LRRFIP2: variants seen among roughly 807,000 people sequenced by gnomAD.
The protein encoded by LRRFIP2 is leucine-rich repeat flightless-interacting protein 2.
LRRFIP2 carries 109 observed loss-of-function variants against 125.9 expected under a neutral mutation model. That is an observed-to-expected ratio of 0.87 (90% CI 0.74 to 1.01). The LOEUF (loss-of-function observed/expected upper bound fraction) is 1.01. Ranked by LOEUF, LRRFIP2 falls within the 50% of genes least tolerant of loss-of-function variation. LRRFIP2 has a pLI of 0.00. For missense variants in LRRFIP2, 850 were observed against 862.3 expected (o/e 0.99, Z 0.18); for synonymous variants, 291 against 293.1 (o/e 0.99, Z 0.07).
rs147401829 is a variant in LRRFIP2 at position 37,121,198 on chromosome 3, A to G, written c.330+294T>C. On this transcript the variant is annotated intron_variant, in intron 6 of 27. Transcript: ENST00000336686. ...GTTAGAACCAAACAAATGTTATTCT[A>G]CAAGATCAATCTTAATTATTTTGTG... Among the ~76,000 whole-genome samples the G allele has an allele frequency of 1.9e-3, 289 of 152,322 alleles. 1 individual carries two copies. Among genetic ancestry groups the G allele is most frequent in the Admixed American group, 0.014 (216 of 15,300 alleles).
rs1418049440 is a variant in LRRFIP2, at chr3:37,066,275, A to C, written c.1515T>G (p.Asp505Glu). 6.2e-7 allele frequency: 1 copy of C among 1,614,070 alleles called. No individual in the cohort carries two copies. The highest frequency in any genetic ancestry group is 1.3e-5 in the African/African-American group (1 of 74,942). ...GGTCAGCCAGCTCCTCTCTGAGCAT[A>C]TCTCGCTCATTCCTAAGGCAGGCAA... Reference protein sequence around the residue: ...EYIACLRNERDMLREELADLQ... With the variant: ...EYIACLRNEREMLREELADLQ... The change falls in exon 22 of 28, where the codon GAT becomes GAG. Residue 505 changes from aspartate (D) to glutamate (E), a missense_variant. Asp to Glu is a conservative substitution (Grantham distance 45). Transcript: ENST00000336686.
chr3:37,089,549 T>C (rs1029819312), intron 18 of LRRFIP2, among the ~76,000 whole-genome samples: 1 of 152,130 alleles, frequency 6.6e-6, no homozygotes. Flanking sequence ...CCACTTCAAG[T>C]GTCAAGGATA....
intron 2 of LRRFIP2, among the ~76,000 whole-genome samples, chr3:37,136,994 C>G: frequency 6.7e-6 from 1 of 148,692 alleles, no homozygotes; most frequent in Non-Finnish European, 1.5e-5. Context: ...CGGGGACAGG[C>G]TCTCACTCTG....
intron 8 of LRRFIP2, among the ~76,000 whole-genome samples, chr3:37,112,576 G>A (rs970507228): frequency 2.0e-5 from 3 of 151,844 alleles, no homozygotes; most frequent in Admixed American, 6.6e-5. Flanking sequence ...GTTTAGTTAC[G>A]GCCCATAATA....
At chr3:37,083,373 T>C (rs181458304) in intron 19 of LRRFIP2, among the ~76,000 whole-genome samples, 1 of 152,250 alleles carries the variant, frequency 6.6e-6, no homozygotes, top group African/African-American at 2.4e-5. Context: ...AATTAAGAGA[T>C]AGAAAATGAA....
chr3:37,086,665 C>T (rs546999909), intron 18 of LRRFIP2, among the ~76,000 whole-genome samples: 45 of 152,102 alleles, frequency 3.0e-4, no homozygotes, highest in African/African-American at 9.9e-4. Context: ...CCAGAATAGG[C>T]GAATCTACAG....
chr3:37,149,498 C>T (rs1423403214), intron 1 of LRRFIP2, among the ~76,000 whole-genome samples: 2 of 151,792 alleles, frequency 1.3e-5, no homozygotes, highest in Non-Finnish European at 1.5e-5. Context: ...GCTTGGGAGA[C>T]GGAGCAAGAC....
chr3:37,056,645 G>C (rs1451327167), intron 25 of LRRFIP2, among the ~76,000 whole-genome samples: 1 of 151,900 alleles, frequency 6.6e-6, no homozygotes, highest in African/African-American at 2.4e-5. Context: ...AGTAGAGACG[G>C]GGTTTCACCA....
At chr3:37,149,448 C>T (rs570986240) in intron 1 of LRRFIP2, among the ~76,000 whole-genome samples, 1 of 151,996 alleles carries the variant, frequency 6.6e-6, no homozygotes, top group East Asian at 1.9e-4. Context: ...ACCTAGGAGG[C>T]GGAGGTTGTA....
rs539838292 is a variant in LRRFIP2 at position 37,134,735 on chromosome 3, T to G, written c.91-5586A>C. ...CAGCACAATGTTCTGCAGGTCCAGT[T>G]GAGGATGGTATGTTTCATTGGCAAG... On this transcript the variant is annotated intron_variant, in intron 2 of 27. Coordinates refer to ENST00000336686, the MANE Select transcript of LRRFIP2 (RefSeq NM_006309.4). 12 of 783,348 alleles carry G rather than the reference T, an allele frequency of 1.5e-5. No individual in the cohort carries two copies. The Admixed American group carries it at 2.1e-4, about 14-fold the overall frequency. 48.5% of individuals were successfully genotyped at this position (783,348 alleles called of 1,614,324 possible). A position where few individuals can be genotyped will look rare whatever the true frequency, so the allele number is the denominator to read the frequency against.
intron 15 of LRRFIP2, among the ~76,000 whole-genome samples, chr3:37,097,658 C>T (rs1013800439): frequency 2.0e-5 from 3 of 152,058 alleles, no homozygotes; most frequent in Admixed American, 2.0e-4. Context: ...TTAAATTAAC[C>T]TATCTTCTGT....
At chr3:37,167,113 T>A (rs143845827) in intron 1 of LRRFIP2, among the ~76,000 whole-genome samples, 1 of 149,910 alleles carries the variant, frequency 6.7e-6, no homozygotes, top group Admixed American at 6.7e-5. Context: ...GGGAGGATCA[T>A]TTTAGCCCAG....
chr3:37,120,394 C>T (rs990274038), intron 6 of LRRFIP2, among the ~76,000 whole-genome samples: 3 of 152,102 alleles, frequency 2.0e-5, no homozygotes, highest in East Asian at 1.9e-4. Context: ...TGTGAGCCAC[C>T]GTGCCTGGCC....
At chr3:37,165,868 AAAG>A (rs1197928917) in intron 1 of LRRFIP2, among the ~76,000 whole-genome samples, 5 of 152,048 alleles carry the variant, frequency 3.3e-5, no homozygotes, top group Non-Finnish European at 7.4e-5. Flanking sequence ...AGAAAGAAAG[AAAG>A]AAGAAAAAAC....
chr3:37,128,999 A>G, intron 3 of LRRFIP2, 64 bp downstream of exon 3: 1 of 1,407,634 alleles, frequency 7.1e-7, no homozygotes, highest in Non-Finnish European at 1.0e-6. Flanking sequence ...ACATCAGAAT[A>G]AACTAGCCAA....
In LRRFIP2 at chr3:37,085,948, G is replaced by C. The variant is rs182360885; in HGVS notation, c.1108-2142C>G. 2.7e-3 allele frequency among the ~76,000 whole-genome samples: 414 copies of C among 152,222 alleles called. 2 individuals carry two copies. The highest frequency in any genetic ancestry group is 9.7e-3 in the African/African-American group (403 of 41,536). On this transcript the variant is annotated intron_variant, in intron 18 of 27. Coordinates refer to ENST00000336686, the MANE Select transcript of LRRFIP2 (RefSeq NM_006309.4). ...AGTAAAAAGACAACCCACAGAATGGGAGAAAATATTTATAAATCTTATATC... is the reference window on the plus strand; with the variant it reads ...AGTAAAAAGACAACCCACAGAATGGCAGAAAATATTTATAAATCTTATATC...
chr3:37,055,147 A>G lies in LRRFIP2; in HGVS notation c.1889T>C (p.Ile630Thr), dbSNP rs143178676. 8.1e-4 allele frequency: 1,297 copies of G among 1,593,638 alleles called. No individual in the cohort carries two copies. The highest frequency in any genetic ancestry group is 8.6e-4 in the Admixed American group (46 of 53,432). Reference protein sequence around the residue: ...IEMQRDANRQISEYKFKLSKA... With the variant: ...IEMQRDANRQTSEYKFKLSKA... ...TGAAAGCTTAAATTTGTATTCGCTA[A>G]TTTGTCTATTGGCATCTCCTAGAAC... The change falls in exon 26 of 28, where the codon ATT (isoleucine) becomes ACT (threonine). Residue 630 changes from isoleucine (I) to threonine (T), a missense_variant. Ile to Thr is a moderately conservative substitution (Grantham distance 89, BLOSUM62 -1). Coordinates refer to ENST00000336686, the MANE Select transcript of LRRFIP2 (RefSeq NM_006309.4).
chr3:37,168,917 C>T (rs1578091152), intron 1 of LRRFIP2, among the ~76,000 whole-genome samples: 1 of 152,334 alleles, frequency 6.6e-6, no homozygotes, highest in East Asian at 1.9e-4. Context: ...CCTGGAATTA[C>T]AGGTGCACAC....
chr3:37,080,160 G>T (rs893565894), intron 19 of LRRFIP2, among the ~76,000 whole-genome samples: 6 of 152,150 alleles, frequency 3.9e-5, no homozygotes, highest in African/African-American at 1.4e-4. Flanking sequence ...AGCACTTTGG[G>T]AGGCCGAGGT....
Sources: gnomAD v4.1 joint callset for allele counts (sites outside exome capture counted in the v4.1 genomes callset) on GRCh38, gnomAD v4.1.1 for gene constraint, MANE v1.5 for transcripts, NCBI Gene and HGNC (gene_info 2026-07-23, HGNC 2026-07-21) for gene names.